DGKB: variants seen among roughly 807,000 people sequenced by gnomAD.
The protein encoded by DGKB is diacylglycerol kinase beta, also known as 90 kDa diacylglycerol kinase.
Under a neutral mutation model 114.3 loss-of-function variants are expected in DGKB, and 67 were observed. The ratio of observed to expected loss-of-function variants is 0.59; its 90% confidence interval spans 0.48 to 0.72. The LOEUF (loss-of-function observed/expected upper bound fraction) is 0.72. Among genes scored for constraint, DGKB ranks in the 30% least tolerant of loss-of-function variants. The pLI, the probability that DGKB is intolerant of heterozygous loss-of-function variation, is 0.00. For missense variants in DGKB, 907 were observed against 975.2 expected (o/e 0.93, Z 0.93); for synonymous variants, 398 against 323.1 (o/e 1.23, Z -2.49).
At chr7:14,733,385 A>G (rs753072505) in intron 5 of DGKB, among the ~76,000 whole-genome samples, 9 of 152,188 alleles carry the variant, frequency 5.9e-5, no homozygotes, top group Non-Finnish European at 1.2e-4. Context: ...AAAATAAGTT[A>G]CATCATTAAT....
intron 20 of DGKB, among the ~76,000 whole-genome samples, chr7:14,508,176 A>G (rs62443484): frequency 0.014 from 2,154 of 152,314 alleles, 24 homozygotes; most frequent in African/African-American, 0.032. Context: ...ATTAAAACAC[A>G]AGAAAAATAT....
intron 20 of DGKB, among the ~76,000 whole-genome samples, chr7:14,500,202 C>T (rs891990764): frequency 2.6e-5 from 4 of 151,732 alleles, no homozygotes; most frequent in Non-Finnish European, 4.4e-5. Flanking sequence ...CTCCTTTTCT[C>T]GTAGTCTAAA....
intron 2 of DGKB, among the ~76,000 whole-genome samples, chr7:14,817,216 C>T (rs559239097): frequency 5.3e-5 from 8 of 152,230 alleles, no homozygotes; most frequent in Admixed American, 2.0e-4. Context: ...ATGCATATAT[C>T]TGACTAGATG....
chr7:14,372,192 C>T (rs910122579), intron 21 of DGKB, among the ~76,000 whole-genome samples: 1 of 152,178 alleles, frequency 6.6e-6, no homozygotes, highest in Admixed American at 6.5e-5. Context: ...CTCTGTCCCT[C>T]TCACCTACCC....
intron 1 of DGKB, among the ~76,000 whole-genome samples, chr7:14,895,985 C>A (rs376329746): frequency 4.6e-5 from 7 of 151,816 alleles, no homozygotes; most frequent in South Asian, 2.1e-4. Flanking sequence ...ATCTTTTCTG[C>A]GTGAAGTTTT....
chr7:14,718,506 A>C (rs1222893868), intron 6 of DGKB, 36 bp downstream of exon 6: 2 of 1,579,478 alleles, frequency 1.3e-6, no homozygotes, highest in African/African-American at 1.4e-5. Flanking sequence ...TCCTGCCCCC[A>C]ATCACGATAA....
intron 13 of DGKB, among the ~76,000 whole-genome samples, chr7:14,660,877 C>A (rs1472320925): frequency 6.6e-6 from 1 of 151,950 alleles, no homozygotes; most frequent in Non-Finnish European, 1.5e-5. Flanking sequence ...TGGAACAGAA[C>A]AGAACCCTCA....
chr7:14,961,081 A>G (rs1483161540), intron 1 of DGKB, among the ~76,000 whole-genome samples: 1 of 152,096 alleles, frequency 6.6e-6, no homozygotes, highest in African/African-American at 2.4e-5. Flanking sequence ...ATACAAATCT[A>G]TTTAATGTGT....
intron 1 of DGKB, among the ~76,000 whole-genome samples, chr7:14,848,933 A>G (rs1299684522): frequency 6.6e-6 from 1 of 151,882 alleles, no homozygotes; most frequent in Non-Finnish European, 1.5e-5. Flanking sequence ...TTGTATTACA[A>G]TCTGAAAGCT....
chr7:14,423,465 G>A (rs1827032122), intron 21 of DGKB, among the ~76,000 whole-genome samples: 1 of 151,972 alleles, frequency 6.6e-6, no homozygotes, highest in Non-Finnish European at 1.5e-5. Context: ...TTTACAAAAT[G>A]AGTGTTCAAA....
chr7:14,925,084 GT>G (rs899363916), intron 1 of DGKB, among the ~76,000 whole-genome samples: 5 of 152,080 alleles, frequency 3.3e-5, no homozygotes, highest in Admixed American at 1.3e-4. Context: ...ATTCACTCAA[GT>G]TTTTTATGTA....
At chr7:14,497,123 G>A (rs1785417818) in intron 20 of DGKB, among the ~76,000 whole-genome samples, 1 of 151,700 alleles carries the variant, frequency 6.6e-6, no homozygotes, top group Admixed American at 6.6e-5. Context: ...TTTATAAGTG[G>A]GAGGTAAGCT....
intron 25 of DGKB, among the ~76,000 whole-genome samples, chr7:14,151,996 A>T (rs1011862781): frequency 6.6e-5 from 10 of 152,044 alleles, no homozygotes; most frequent in Non-Finnish European, 1.5e-4. Flanking sequence ...GCAGAGACTC[A>T]AGTGAACCCT....
chr7:14,557,454 C>T (rs532953685), intron 20 of DGKB, among the ~76,000 whole-genome samples: 1 of 152,144 alleles, frequency 6.6e-6, no homozygotes, highest in East Asian at 1.9e-4. Context: ...TGGGCTTTGT[C>T]TGTCATTATA....
chr7:14,511,249 T>C (rs983132811), intron 20 of DGKB, among the ~76,000 whole-genome samples: 2 of 152,228 alleles, frequency 1.3e-5, no homozygotes, highest in Admixed American at 1.3e-4. Context: ...TGAAAATCTG[T>C]TGCTTAGTGT....
intron 21 of DGKB, among the ~76,000 whole-genome samples, chr7:14,384,472 T>A (rs1348525493): frequency 1.3e-5 from 2 of 152,092 alleles, no homozygotes; most frequent in African/African-American, 4.8e-5. Flanking sequence ...CTAAACCCAA[T>A]GTGTTTACTA....
chr7:14,876,404 G>A lies in DGKB; in HGVS notation c.-188+26188C>T, dbSNP rs1419082845. ...CAAGGCCACAAACATAACACTGCCT[G>A]TTGAGTAAAGCTGTTTTCTTCTGCC... is the stretch of plus-strand genomic sequence containing the variant. On this transcript the variant is annotated intron_variant, in intron 1 of 25. Coordinates refer to ENST00000402815, the MANE Select transcript of DGKB (RefSeq NM_001350709.2). 2.0e-5 allele frequency among the ~76,000 whole-genome samples: 3 copies of A among 152,228 alleles called. No individual in the cohort carries two copies. The East Asian group carries it at 5.8e-4, about 29-fold the overall frequency.
At chr7:14,581,046 T>C (rs1454308473) in intron 18 of DGKB, 95 bp from the exon 19 acceptor site, 4 of 695,818 alleles carry the variant, frequency 5.7e-6, no homozygotes, top group African/African-American at 1.8e-5. Context: ...AATGAAGGAA[T>C]TCCAATAGGT....
At chr7:14,371,694 T>C (rs141933466) in intron 21 of DGKB, among the ~76,000 whole-genome samples, 142 of 152,272 alleles carry the variant, frequency 9.3e-4, no homozygotes, top group African/African-American at 3.4e-3. Flanking sequence ...TCCCACTTGA[T>C]AATTTTTGCT....
Sources: gnomAD v4.1 joint callset for allele counts (sites outside exome capture counted in the v4.1 genomes callset) on GRCh38, gnomAD v4.1.1 for gene constraint, MANE v1.5 for transcripts, NCBI Gene and HGNC (gene_info 2026-07-23, HGNC 2026-07-21) for gene names.